The following DDX46 variants were observed in gnomAD, a reference collection of about 807,000 sequenced individuals.
DDX46 encodes the protein DEAD-box helicase 46, also known as probable ATP-dependent RNA helicase DDX46.
Under a neutral mutation model 134.9 loss-of-function variants are expected in DDX46, and 30 were observed. That is an observed-to-expected ratio of 0.22 (90% CI 0.17 to 0.30). The LOEUF (loss-of-function observed/expected upper bound fraction) is 0.30. Ranked by LOEUF, DDX46 falls within the 10% of genes least tolerant of loss-of-function variation. The probability of loss-of-function intolerance (pLI) is 1.00; values close to 1 mark genes in which losing one functional copy is unlikely to be tolerated. For missense variants in DDX46, 622 were observed against 1,248.7 expected (o/e 0.50, Z 7.56); for synonymous variants, 415 against 404.1 (o/e 1.03, Z -0.32).
intron 8 of DDX46, 122 bp from the exon 9 acceptor site, chr5:134,782,823 C>T (rs1359948965): frequency 1.6e-6 from 2 of 1,257,166 alleles, no homozygotes; most frequent in African/African-American, 3.1e-5. Context: ...GCTAGGATTA[C>T]AGGTGTGAGC....
Position 134,770,923 on chromosome 5 carries a change from C to A in DDX46, c.371C>A (p.Thr124Asn), listed in dbSNP as rs374882583. The A allele has an allele frequency of 6.3e-7, 1 of 1,582,624 alleles. No individual in the cohort carries two copies. ...TENRSRSKEK[T>N]DGGESSKEKK... is the part of the protein sequence containing the mutation. ...GGTAGATCTAGGTCCAAAGAGAAAA[C>A]TGATGGTGGGGAAAGTTCTAAAGAG... The change falls in exon 4 of 23, where the codon ACT becomes AAT. Residue 124 changes from threonine to asparagine, a missense_variant. Physicochemically the swap from Thr to Asn is moderately conservative, Grantham distance 65. Transcript: ENST00000452510.
chr5:134,823,418 C>G (rs892521376), intron 21 of DDX46, among the ~76,000 whole-genome samples: 3 of 152,068 alleles, frequency 2.0e-5, no homozygotes, highest in Admixed American at 2.0e-4. Flanking sequence ...GGATTACAGG[C>G]GAGAGCCACC....
chr5:134,763,227 G>C (rs1753451248), intron 1 of DDX46, among the ~76,000 whole-genome samples: 1 of 152,056 alleles, frequency 6.6e-6, no homozygotes, highest in Admixed American at 6.6e-5. Flanking sequence ...AGTGAGGCCT[G>C]TTTCTAAAAA....
chr5:134,766,555 CAAA>C (rs763184359), intron 2 of DDX46, among the ~76,000 whole-genome samples: 2 of 107,478 alleles, frequency 1.9e-5, no homozygotes, highest in Non-Finnish European at 3.9e-5. Context: ...ACTCTGTCTC[CAAA>C]AAAAAAAAAA....
intron 1 of DDX46, among the ~76,000 whole-genome samples, chr5:134,763,067 A>AT (rs1294045781): frequency 1.3e-5 from 2 of 152,076 alleles, no homozygotes; most frequent in East Asian, 1.9e-4. Context: ...TCAAAAAAAA[A>AT]AAATAATAAT....
chr5:134,818,594 C>G (rs530005609), intron 20 of DDX46, among the ~76,000 whole-genome samples: 5 of 151,438 alleles, frequency 3.3e-5, no homozygotes, highest in African/African-American at 1.2e-4. Flanking sequence ...CCCAGCTACT[C>G]GGGAGGCTGA....
Position 134,758,854 on chromosome 5 carries a change from G to T in DDX46, c.-85G>T. ...AGTGTTTAGCGCTGGTCTTTGCCGG[G>T]CGTTGAGGGCAGCTCAGCCTCCTTG... On this transcript the variant is annotated 5_prime_UTR_variant, in exon 1 of 23. Coordinates refer to ENST00000452510, the MANE Select transcript of DDX46 (RefSeq NM_001300860.2). 10 of 1,602,888 alleles carry T rather than the reference G, an allele frequency of 6.2e-6. No homozygotes were observed. Among genetic ancestry groups the T allele is most frequent in the South Asian group, 1.1e-5 (1 of 90,780 alleles).
chr5:134,823,964 G>A (rs116054079), intron 21 of DDX46, among the ~76,000 whole-genome samples: 6 of 152,310 alleles, frequency 3.9e-5, no homozygotes, highest in Non-Finnish European at 7.4e-5. Flanking sequence ...GTAAGTGAGA[G>A]ACATGATTAT....
Position 134,758,925 on chromosome 5 carries a change from C to T in DDX46, c.-14C>T. The T allele has an allele frequency of 6.2e-7, 1 of 1,613,464 alleles. No homozygotes were observed. Among genetic ancestry groups the T allele is most frequent in the Non-Finnish European group, 8.5e-7 (1 of 1,179,872 alleles). The stretch of plus-strand genomic sequence containing the variant: ...GTGGTACTCAAGGGCACCAGTATTC[C>T]CGCGGTCGGCAGCATGGGTCGGGAG... On this transcript the variant is annotated 5_prime_UTR_variant, in exon 1 of 23. Transcript: ENST00000452510.
intron 15 of DDX46, among the ~76,000 whole-genome samples, chr5:134,802,950 ACT>A (rs1467110729): frequency 2.0e-5 from 3 of 151,644 alleles, no homozygotes; most frequent in African/African-American, 7.3e-5. Context: ...CAGCATCCAA[ACT>A]CTGTCTGCCT....
At chr5:134,766,867 A>G (rs1561850410) in intron 2 of DDX46, 50 bp from the exon 3 acceptor site, 5 of 1,569,424 alleles carry the variant, frequency 3.2e-6, no homozygotes, top group African/African-American at 1.4e-5. Context: ...CTGATCTGAA[A>G]TAGTAGCTCC....
chr5:134,768,361 C>T (rs142478757), intron 3 of DDX46, among the ~76,000 whole-genome samples: 1,864 of 151,682 alleles, frequency 0.012, 13 homozygotes, highest in Middle Eastern at 0.041. Context: ...CCACCCGCCT[C>T]GGCCTCCCAA....
chr5:134,781,438 C>T (rs1754150867), intron 7 of DDX46, among the ~76,000 whole-genome samples, 192 bp downstream of exon 7: 1 of 152,104 alleles, frequency 6.6e-6, no homozygotes, highest in South Asian at 2.1e-4. Context: ...CTGATGTCTT[C>T]ATTCCTAACT....
intron 15 of DDX46, among the ~76,000 whole-genome samples, chr5:134,806,943 C>A (rs1476734490): frequency 6.6e-6 from 1 of 152,074 alleles, no homozygotes; most frequent in African/African-American, 2.4e-5. Flanking sequence ...TTGGGTACTT[C>A]TAAACCAGTA....
At chr5:134,808,375 C>G (rs114583780) in intron 16 of DDX46, among the ~76,000 whole-genome samples, 24 of 152,286 alleles carry the variant, frequency 1.6e-4, no homozygotes, top group African/African-American at 5.5e-4. Flanking sequence ...GCATCATCAT[C>G]TAACACAAAG....
At chr5:134,821,106 C>T (rs528352382) in intron 21 of DDX46, among the ~76,000 whole-genome samples, 14 of 151,032 alleles carry the variant, frequency 9.3e-5, no homozygotes, top group African/African-American at 2.2e-4. Context: ...GGCGCAATCT[C>T]GGCTCACTGC....
intron 21 of DDX46, among the ~76,000 whole-genome samples, chr5:134,820,448 C>T (rs1401768604): frequency 4.6e-5 from 7 of 152,114 alleles, no homozygotes; most frequent in African/African-American, 1.2e-4. Flanking sequence ...CTGCAACCTC[C>T]GCCTTCAGGT....
At chr5:134,805,725 G>T (rs1466667348) in intron 15 of DDX46, among the ~76,000 whole-genome samples, 4 of 151,266 alleles carry the variant, frequency 2.6e-5, no homozygotes, top group South Asian at 2.1e-4. Context: ...AAGAGACAGG[G>T]TTTCACCATG....
At chr5:134,819,062 A>G (rs781244622) in intron 21 of DDX46, 58 bp downstream of exon 21, 94 of 1,576,006 alleles carry the variant, frequency 6.0e-5, no homozygotes, top group Non-Finnish European at 7.9e-5. Context: ...ATGTAGATGT[A>G]ATAAACGCAA....
Sources: allele counts gnomAD v4.1 joint callset (sites outside exome capture counted in the v4.1 genomes callset), GRCh38; gene constraint gnomAD v4.1.1; transcripts MANE v1.5; gene names NCBI Gene and HGNC (gene_info 2026-07-23, HGNC 2026-07-21).